Variants in SEM1 observed in about 807,000 individuals in gnomAD.
SEM1 encodes the protein 26S proteasome complex subunit SEM1.
Under a neutral mutation model 12.7 loss-of-function variants are expected in SEM1, and 3 were observed. The observed-to-expected ratio is 0.24, with a 90% CI of 0.11 to 0.61. The LOEUF (loss-of-function observed/expected upper bound fraction) is 0.61, where lower values mean the gene tolerates loss of function less well. Among genes scored for constraint, SEM1 ranks in the 20% least tolerant of loss-of-function variants. SEM1 has a pLI of 0.88. For missense variants in SEM1, 59 were observed against 81.3 expected (o/e 0.73, Z 1.06); for synonymous variants, 30 against 27.8 (o/e 1.08, Z -0.25).
In SEM1 at chr7:96,640,735, G is replaced by A. The variant is rs555947927; in HGVS notation, c.171-18092C>T. Reference sequence around the variant, plus strand: ...GAAACTATGAGCTTTGGATGATGATGTGTTACTGGAAGTTCATTAGCTGTA... The same window carrying A: ...GAAACTATGAGCTTTGGATGATGATATGTTACTGGAAGTTCATTAGCTGTA... On this transcript the variant is annotated intron_variant, in intron 2 of 2. Coordinates refer to the SEM1 transcript ENST00000417009. The surrounding 1 kb of genome is among the most constrained non-coding windows in gnomAD (Gnocchi z 4.0). Among the ~76,000 whole-genome samples the A allele has an allele frequency of 1.3e-5, 2 of 152,062 alleles. No homozygotes were observed. The highest frequency in any genetic ancestry group is 2.4e-5 in the African/African-American group (1 of 41,522).
intron 2 of SEM1, among the ~76,000 whole-genome samples, chr7:96,693,703 C>G (rs1251958934): frequency 3.3e-5 from 5 of 151,250 alleles, no homozygotes; most frequent in African/African-American, 1.2e-4. Context: ...TAGAAAACAG[C>G]TTGGCAGCTC....
upstream of SEM1, among the ~76,000 whole-genome samples, chr7:96,496,888 A>C (rs1045837382): frequency 6.6e-6 from 1 of 152,104 alleles, no homozygotes. Context: ...TGAAGATTAA[A>C]TACCATATTA....
intron 2 of SEM1, among the ~76,000 whole-genome samples, chr7:96,662,785 T>A (rs905194156): frequency 2.0e-5 from 3 of 152,160 alleles, no homozygotes; most frequent in Non-Finnish European, 4.4e-5. Flanking sequence ...CTTCATATCA[T>A]ACACAAAAAC....
In SEM1 at chr7:96,664,475, C is replaced by T. The variant is rs571071050; in HGVS notation, c.170+30323G>A. ...CAGCAAGGACAGGTTGAGAAGTTCT[C>T]GAGTTGCATCTCTCTGATCAATTCT... On this transcript the variant is annotated intron_variant, in intron 2 of 2. Coordinates refer to the SEM1 transcript ENST00000417009. 4 of 152,310 alleles carry T rather than the reference C, an allele frequency of 2.6e-5. No individual in the cohort carries two copies. In the East Asian group the frequency reaches 5.8e-4, roughly 22 times the overall value. The allele number at this position is 152,310 out of a possible 1,614,324, so 9.4% of individuals were successfully genotyped here.
At chr7:96,643,264 C>T (rs1199505430) in intron 2 of SEM1, among the ~76,000 whole-genome samples, 1 of 152,118 alleles carries the variant, frequency 6.6e-6, no homozygotes, top group African/African-American at 2.4e-5. Context: ...CATCCATGTT[C>T]CTGCAAAGGG....
chr7:96,527,645 G>A (rs957517463), intron 2 of SEM1, among the ~76,000 whole-genome samples: 4 of 152,124 alleles, frequency 2.6e-5, no homozygotes, highest in Non-Finnish European at 4.4e-5. Context: ...ATTACCCAAC[G>A]TGTATTTGAA....
At chr7:96,546,555 T>C (rs1342814995) in intron 2 of SEM1, among the ~76,000 whole-genome samples, 1 of 152,138 alleles carries the variant, frequency 6.6e-6, no homozygotes, top group African/African-American at 2.4e-5. Flanking sequence ...TGGATTTATG[T>C]TTAGGTTTGA....
intron 1 of SEM1, among the ~76,000 whole-genome samples, chr7:96,708,950 A>G (rs1790556578): frequency 6.6e-6 from 1 of 152,212 alleles, no homozygotes; most frequent in South Asian, 2.1e-4. Context: ...AGCTAAAAAA[A>G]AAAATGTGTA....
intron 2 of SEM1, among the ~76,000 whole-genome samples, chr7:96,572,504 A>G (rs149066773): frequency 0.025 from 3,768 of 152,202 alleles, 142 homozygotes; most frequent in African/African-American, 0.085. Flanking sequence ...ATTGGTTTCA[A>G]AGAACTTATT....
intron 2 of SEM1, among the ~76,000 whole-genome samples, chr7:96,589,013 G>A (rs998778518): frequency 6.6e-6 from 1 of 152,190 alleles, no homozygotes; most frequent in African/African-American, 2.4e-5. Flanking sequence ...TTTTTCTAAT[G>A]ATCATGAACC....
chr7:96,599,211 T>C (rs1056014102), intron 2 of SEM1, among the ~76,000 whole-genome samples: 2 of 152,150 alleles, frequency 1.3e-5, no homozygotes, highest in African/African-American at 4.8e-5. Flanking sequence ...TGGTTTTGCC[T>C]GAAGGAAAAA....
chr7:96,611,976 T>TTTCTC (rs1807553453), intron 2 of SEM1, among the ~76,000 whole-genome samples: 1 of 147,670 alleles, frequency 6.8e-6, no homozygotes, highest in African/African-American at 2.6e-5. Context: ...CATTTTTTCC[T>TTTCTC]TTCTCTTCCT....
chr7:96,708,610 C>G (rs567229838), intron 1 of SEM1, among the ~76,000 whole-genome samples: 18 of 152,262 alleles, frequency 1.2e-4, no homozygotes, highest in Middle Eastern at 3.4e-3. Flanking sequence ...AATAAAGCAG[C>G]CTATTTTGAA....
chr7:96,530,105 A>C (rs1804596157), intron 2 of SEM1, among the ~76,000 whole-genome samples: 1 of 152,098 alleles, frequency 6.6e-6, no homozygotes, highest in Non-Finnish European at 1.5e-5. Context: ...TACCATTGTA[A>C]CATGACAATG....
chr7:96,689,295 T>A (rs973913247), intron 2 of SEM1, among the ~76,000 whole-genome samples: 11 of 152,154 alleles, frequency 7.2e-5, no homozygotes, highest in Non-Finnish European at 1.3e-4. Flanking sequence ...CTGTTCCTAA[T>A]AAATATTTAA....
At chr7:96,486,672 A>G (rs749066877) in intron 1 of SEM1, among the ~76,000 whole-genome samples, 4 of 152,150 alleles carry the variant, frequency 2.6e-5, no homozygotes, top group Admixed American at 6.6e-5. Flanking sequence ...CCTGGGTGTC[A>G]CTTATTCTTG....
At chr7:96,497,987 TACA>T (rs1803358773), upstream of SEM1, among the ~76,000 whole-genome samples, 1 of 152,072 alleles carries the variant, frequency 6.6e-6, no homozygotes, top group African/African-American at 2.4e-5. Context: ...AGATGAAAAA[TACA>T]ACATCTGTAA....
chr7:96,588,141 G>A (rs1206933618), intron 2 of SEM1, among the ~76,000 whole-genome samples: 2 of 151,672 alleles, frequency 1.3e-5, no homozygotes, highest in African/African-American at 4.8e-5. Flanking sequence ...GGCCGAGGTG[G>A]AAGGATCGCT....
chr7:96,693,788 GTGTA>G (rs1206490841), intron 2 of SEM1, among the ~76,000 whole-genome samples: 60 of 148,020 alleles, frequency 4.1e-4, no homozygotes, highest in African/African-American at 1.2e-3. Flanking sequence ...GTGTGTGTGT[GTGTA>G]TATATATATA....
Sources: gnomAD v4.1 joint callset for allele counts (sites outside exome capture counted in the v4.1 genomes callset) on GRCh38, gnomAD v4.1.1 for gene constraint, Gnocchi (gnomAD v3.1) non-coding constraint, MANE v1.5 for transcripts, NCBI Gene and HGNC (gene_info 2026-07-23, HGNC 2026-07-21) for gene names.